The following PCDH17 variants were observed in gnomAD, a reference collection of about 807,000 sequenced individuals.
PCDH17 encodes protocadherin-17.
PCDH17 carries 21 observed loss-of-function variants against 67.7 expected under a neutral mutation model. That is an observed-to-expected ratio of 0.31 (90% CI 0.22 to 0.45). The LOEUF (loss-of-function observed/expected upper bound fraction) is 0.45. Ranked by LOEUF, PCDH17 falls within the 20% of genes least tolerant of loss-of-function variation. The probability of loss-of-function intolerance (pLI) is 1.00; values close to 1 mark genes in which losing one functional copy is unlikely to be tolerated. For synonymous variants in PCDH17, 701 were observed against 656.7 expected, an observed-to-expected ratio of 1.07 and a Z score of -1.03; for missense variants, 1,471 against 1,564.8, an observed-to-expected ratio of 0.94 and a Z score of 1.01.
At position 57,633,437 on chromosome 13, in the gene PCDH17, C is replaced by T; in HGVS notation, c.891C>T (p.Asp297=). The change falls in exon 1 of 4, where the codon GAC becomes GAT. Residue 297 remains aspartate (D), a synonymous_variant. Transcript: ENST00000377918. This position sits in a 1 kb window ranked among gnomAD's most constrained non-coding sequence, Gnocchi z 6.2. Reference sequence around the variant, plus strand: ...GCGTGCGGGAGCTCTTCTCCATCGACCCCAAGACCGGCCTAATCCGTGTGA... The same window carrying T: ...GCGTGCGGGAGCTCTTCTCCATCGATCCCAAGACCGGCCTAATCCGTGTGA... ...PDRVRELFSI[D]PKTGLIRVKG... The T allele has an allele frequency of 1.2e-6, 2 of 1,613,612 alleles. No individual in the cohort carries two copies. Among genetic ancestry groups the T allele is most frequent in the Non-Finnish European group, 8.5e-7 (1 of 1,180,032 alleles).
At chr13:57,652,295 A>AG (rs1458369928) in intron 1 of PCDH17, among the ~76,000 whole-genome samples, 1 of 151,486 alleles carries the variant, frequency 6.6e-6, no homozygotes, top group African/African-American at 2.4e-5. Context: ...AAAAAAAAAA[A>AG]AAAAAAAGAA....
intron 3 of PCDH17, among the ~76,000 whole-genome samples, chr13:57,707,875 A>G (rs1955735714): frequency 6.6e-6 from 1 of 151,972 alleles, no homozygotes; most frequent in Admixed American, 6.6e-5. Flanking sequence ...TCTTACAAGG[A>G]CACAAGTCTT....
At chr13:57,716,655 A>G (rs944095313) in intron 3 of PCDH17, among the ~76,000 whole-genome samples, 13 of 152,028 alleles carry the variant, frequency 8.6e-5, no homozygotes, top group Non-Finnish European at 1.5e-4. Context: ...GTAACTGATC[A>G]TGAATAATTT....
At chr13:57,721,910 C>T (rs1955874895) in intron 3 of PCDH17, among the ~76,000 whole-genome samples, 1 of 151,934 alleles carries the variant, frequency 6.6e-6, no homozygotes, top group South Asian at 2.1e-4. Context: ...AATGATTTCC[C>T]TCTCTCACAA....
In PCDH17 at chr13:57,634,501, G is replaced by T; in HGVS notation, c.1955G>T (p.Trp652Leu). The T allele has an allele frequency of 6.2e-7, 1 of 1,612,944 alleles. No homozygotes were observed. The highest frequency in any genetic ancestry group is 8.5e-7 in the Non-Finnish European group (1 of 1,179,998). Residue 652 changes from tryptophan to leucine, a missense_variant, in exon 1 of 4, where the codon TGG (tryptophan) becomes TTG (leucine). Around this residue, in one of 3 missense-constraint regions of PCDH17, gnomAD observed 1,163 missense variants for 1,230.0 expected, o/e 0.95. Transcript: ENST00000377918. This position sits in a 1 kb window ranked among gnomAD's most constrained non-coding sequence, Gnocchi z 7.8. The stretch of plus-strand genomic sequence containing the variant: ...GAGATCCGCACGCTGCACCCTTTCT[G>T]GGAGGACGTGACGCCCGTGGTGGAG... ...SGEIRTLHPF[W>L]EDVTPVVELV... is the part of the protein sequence containing the mutation.
Position 57,700,348 on chromosome 13 carries a change from C to A in PCDH17, c.2798-24264C>A, listed in dbSNP as rs1469256676. Among the ~76,000 whole-genome samples the A allele has an allele frequency of 2.2e-5, 3 of 139,032 alleles. No individual in the cohort carries two copies. The Admixed American group carries it at 2.2e-4, about 10-fold the overall frequency. The allele number at this position is 139,032 out of a possible 152,430, so 91.2% of individuals were successfully genotyped here. A position where few individuals can be genotyped will look rare whatever the true frequency, so the allele number is the denominator to read the frequency against. Reference sequence around the variant, plus strand: ...TTTTTTTTTTTTTTTGAGACCAAGTCTTGCTCTATCGCCAGGCTGGATTGC... The same window carrying A: ...TTTTTTTTTTTTTTTGAGACCAAGTATTGCTCTATCGCCAGGCTGGATTGC... On this transcript the variant is annotated intron_variant, in intron 3 of 3. Transcript: ENST00000377918.
chr13:57,720,380 T>C (rs1166712212), intron 3 of PCDH17, among the ~76,000 whole-genome samples: 1 of 152,040 alleles, frequency 6.6e-6, no homozygotes, highest in Non-Finnish European at 1.5e-5. Context: ...AAGATTAAAA[T>C]GTTGCTTATT....
intron 3 of PCDH17, among the ~76,000 whole-genome samples, chr13:57,704,845 T>G (rs1955705199): frequency 1.3e-5 from 2 of 152,080 alleles, no homozygotes; most frequent in Non-Finnish European, 2.9e-5. Flanking sequence ...GTTATGTAAC[T>G]TGGATAGATT....
At chr13:57,697,641 C>T (rs1955623489) in intron 3 of PCDH17, among the ~76,000 whole-genome samples, 1 of 151,542 alleles carries the variant, frequency 6.6e-6, no homozygotes, top group Non-Finnish European at 1.5e-5. Context: ...ATTATATACG[C>T]TTTCTATAGA....
chr13:57,657,184 A>C (rs942582761), intron 1 of PCDH17, among the ~76,000 whole-genome samples: 1 of 152,180 alleles, frequency 6.6e-6, no homozygotes, highest in Non-Finnish European at 1.5e-5. Flanking sequence ...AGATTACTTT[A>C]AGAAAAAAAT....
At position 57,634,661 on chromosome 13, in the gene PCDH17, G is replaced by T. The variant is rs79688799; in HGVS notation, c.2115G>T (p.Ser705=). ...VNGEQHHWDM[S]LPLIVTLSTI... ...GCGAGCAGCACCACTGGGACATGTC[G>T]CTGCCGCTCATCGTGACTCTGAGCA... The change falls in exon 1 of 4, where the codon TCG becomes TCT. Residue 705 remains serine (S), a synonymous_variant. Transcript: ENST00000377918. The surrounding 1 kb of genome is among the most constrained non-coding windows in gnomAD (Gnocchi z 7.8). The T allele has an allele frequency of 6.2e-7, 1 of 1,613,494 alleles. No individual in the cohort carries two copies. Among genetic ancestry groups the T allele is most frequent in the East Asian group, 2.2e-5 (1 of 44,834 alleles).
chr13:57,666,967 GTTGCCCC>G, intron 3 of PCDH17, 134 bp downstream of exon 3: 1 of 675,586 alleles, frequency 1.5e-6, no homozygotes, highest in Non-Finnish European at 2.1e-6. Flanking sequence ...AAATCTTGAG[GTTGCCCC>G]AGAAAAAAAG....
chr13:57,707,685 G>C (rs1332526040), intron 3 of PCDH17, among the ~76,000 whole-genome samples: 1 of 151,918 alleles, frequency 6.6e-6, no homozygotes, highest in African/African-American at 2.4e-5. Flanking sequence ...TCATAGTTCT[G>C]GTGGCTAGAA....
At chr13:57,704,088 T>C (rs1278294142) in intron 3 of PCDH17, among the ~76,000 whole-genome samples, 1 of 152,110 alleles carries the variant, frequency 6.6e-6, no homozygotes, top group Non-Finnish European at 1.5e-5. Flanking sequence ...GATATTTTTG[T>C]ACTCTTAGAT....
At chr13:57,723,378 G>A (rs1022642185) in intron 3 of PCDH17, among the ~76,000 whole-genome samples, 5 of 152,100 alleles carry the variant, frequency 3.3e-5, no homozygotes, top group Middle Eastern at 3.4e-3. Context: ...TATAAATTTA[G>A]GTTTCATATA....
intron 3 of PCDH17, among the ~76,000 whole-genome samples, chr13:57,688,856 T>C (rs1227290749): frequency 2.0e-5 from 3 of 152,044 alleles, no homozygotes; most frequent in African/African-American, 4.8e-5. Flanking sequence ...CTAATTGTCT[T>C]ACCACCTCAT....
At chr13:57,692,008 A>C (rs1955563843) in intron 3 of PCDH17, among the ~76,000 whole-genome samples, 1 of 151,274 alleles carries the variant, frequency 6.6e-6, no homozygotes, top group Admixed American at 6.6e-5. Context: ...CTTATGGTTT[A>C]ATAAATGTCA....
At position 57,632,389 on chromosome 13, in the gene PCDH17, C is replaced by T. The variant is rs145505611; in HGVS notation, c.-158C>T. 2,050 of 678,664 alleles carry T rather than the reference C, an allele frequency of 3.0e-3. 9 individuals are homozygous for T. The highest frequency in any genetic ancestry group is 0.019 in the East Asian group (704 of 37,042). 42.0% of individuals were successfully genotyped at this position (678,664 alleles called of 1,614,324 possible). A position where few individuals can be genotyped will look rare whatever the true frequency, so the allele number is the denominator to read the frequency against. ...GGAACTTGAGCAGAATAAGGAGAGA[C>T]CACCGGGTGCCGCAGCTCGGGTGCA... is the stretch of plus-strand genomic sequence containing the variant. On this transcript the variant is annotated 5_prime_UTR_variant, in exon 1 of 4. Transcript: ENST00000377918.
chr13:57,635,871 T>C (rs1375091418), intron 1 of PCDH17, among the ~76,000 whole-genome samples: 2 of 152,170 alleles, frequency 1.3e-5, no homozygotes, highest in Non-Finnish European at 2.9e-5. Context: ...ATCTGTTTCT[T>C]GGAGTCACTG....
Sources: gnomAD v4.1 joint callset for allele counts (sites outside exome capture counted in the v4.1 genomes callset) on GRCh38, gnomAD v4.1.1 for gene constraint, gnomAD v4.1.1 regional missense constraint, Gnocchi (gnomAD v3.1) non-coding constraint, MANE v1.5 for transcripts, NCBI Gene and HGNC (gene_info 2026-07-23, HGNC 2026-07-21) for gene names.